PCDHGB4: variants seen among roughly 807,000 people sequenced by gnomAD.
PCDHGB4 encodes the protein protocadherin gamma subfamily B, 4, also known as protocadherin gamma-B4.
In PCDHGB4, 38 loss-of-function variants were observed where a neutral mutation model predicts 60.5. The ratio of observed to expected loss-of-function variants is 0.63; its 90% CI spans 0.48 to 0.82. The LOEUF (loss-of-function observed/expected upper bound fraction) is 0.82, where lower values mean the gene tolerates loss of function less well. Ranked by LOEUF, PCDHGB4 falls within the 40% of genes least tolerant of loss-of-function variation. PCDHGB4 has a pLI of 0.00. For synonymous variants in PCDHGB4, 456 were observed against 509.7 expected (o/e 0.89, Z 1.42); for missense variants, 1,109 against 1,209.6 (o/e 0.92, Z 1.23).
At chr5:141,427,492 T>C (rs894605769) in intron 1 of PCDHGB4, 1 of 555,624 alleles carries the variant, frequency 1.8e-6, no homozygotes, top group Non-Finnish European at 3.4e-6. Context: ...TATAAGCTTG[T>C]AACAGATGGG....
chr5:141,498,827 G>C (rs2099786072), intron 2 of PCDHGB4, among the ~76,000 whole-genome samples: 1 of 152,102 alleles, frequency 6.6e-6, no homozygotes, highest in Non-Finnish European at 1.5e-5. Context: ...CAGCTACTCA[G>C]GAGGCTGAGG....
chr5:141,403,849 G>A, intron 1 of PCDHGB4: 1 of 1,613,560 alleles, frequency 6.2e-7, no homozygotes, highest in East Asian at 2.2e-5. Flanking sequence ...AAAATACTGG[G>A]GAAATATCAA....
intron 1 of PCDHGB4, chr5:141,400,296 C>T (rs2093998279): frequency 6.2e-7 from 1 of 1,614,076 alleles, no homozygotes. Context: ...GGAGCTGCTT[C>T]CAACCTGGTC....
At chr5:141,415,589 T>A in intron 1 of PCDHGB4, 1 of 1,614,062 alleles carries the variant, frequency 6.2e-7, no homozygotes, top group East Asian at 2.2e-5. Flanking sequence ...AAGTTTCCTA[T>A]AGAGGATACC....
chr5:141,447,954 C>T (rs927510517), intron 1 of PCDHGB4, among the ~76,000 whole-genome samples: 11 of 151,814 alleles, frequency 7.2e-5, no homozygotes, highest in Non-Finnish European at 1.2e-4. Flanking sequence ...GGCATGGTGG[C>T]GGACACCTAT....
At chr5:141,414,106 C>G (rs1424739885) in intron 1 of PCDHGB4, 2 of 1,592,536 alleles carry the variant, frequency 1.3e-6, no homozygotes, top group Non-Finnish European at 1.7e-6. Context: ...ATCAGAAAAT[C>G]TAGATTATGA....
Position 141,490,282 on chromosome 5 carries a change from C to T in PCDHGB4, c.2398-4525C>T, listed in dbSNP as rs763429413. 1.2e-6 allele frequency: 2 copies of T among 1,614,194 alleles called. No individual in the cohort carries two copies. The highest frequency in any genetic ancestry group is 1.7e-6 in the Non-Finnish European group (2 of 1,180,036). ...TGTGGGGGATGTCAATGACAATGCC[C>T]CAGAGGTGCTATTGGCCTCTTTGGC... On this transcript the variant is annotated intron_variant, in intron 1 of 3. Transcript: ENST00000519479. This position sits in a 1 kb window ranked among gnomAD's most constrained non-coding sequence, Gnocchi z 5.4.
At chr5:141,500,223 T>TTG (rs1227708024) in intron 2 of PCDHGB4, among the ~76,000 whole-genome samples, 1 of 145,320 alleles carries the variant, frequency 6.9e-6, no homozygotes, top group Non-Finnish European at 1.5e-5. Flanking sequence ...TTTATTTATT[T>TTG]ATTGATACGT....
intron 1 of PCDHGB4, chr5:141,441,502 T>G (rs2098250414): frequency 5.8e-6 from 1 of 173,754 alleles, no homozygotes; most frequent in African/African-American, 2.4e-5. Context: ...CTACCAGGCC[T>G]CCTACGTCGT....
At chr5:141,462,122 C>A (rs1437400069) in intron 1 of PCDHGB4, among the ~76,000 whole-genome samples, 3 of 152,044 alleles carry the variant, frequency 2.0e-5, no homozygotes, top group Admixed American at 6.6e-5. Context: ...TGCACCCAGT[C>A]CAATTTTTTG....
chr5:141,395,036 G>C, intron 1 of PCDHGB4: 2 of 1,614,110 alleles, frequency 1.2e-6, no homozygotes, highest in South Asian at 1.1e-5. Context: ...CACATTTTGT[G>C]GGTGTTGAGG....
intron 1 of PCDHGB4, chr5:141,428,156 C>A: frequency 6.3e-7 from 1 of 1,579,884 alleles, no homozygotes; most frequent in Non-Finnish European, 8.6e-7. Context: ...CGGGAACCTG[C>A]TGGTTGCTGT....
chr5:141,431,068 A>G lies in PCDHGB4; in HGVS notation c.2397+40787A>G. 2 of 1,614,218 alleles carry G rather than the reference A, an allele frequency of 1.2e-6. No individual in the cohort carries two copies. Among genetic ancestry groups the G allele is most frequent in the South Asian group, 1.1e-5 (1 of 91,088 alleles). On this transcript the variant is annotated intron_variant, in intron 1 of 3. Coordinates refer to ENST00000519479, the MANE Select transcript of PCDHGB4 (RefSeq NM_003736.4). The surrounding 1 kb of genome is among the most constrained non-coding windows in gnomAD (Gnocchi z 4.8). ...TCTGTATGGGGGCCATCAAGTGTCA[A>G]TTAAATCTAGACATTCTGATGGAGG...
rs769467027 is a variant in PCDHGB4, at chr5:141,477,255, A to G, written c.2398-17552A>G. On this transcript the variant is annotated intron_variant, in intron 1 of 3. Transcript: ENST00000519479. This position sits in a 1 kb window ranked among gnomAD's most constrained non-coding sequence, Gnocchi z 4.9. ...GCTTTGCTCAGTGTGACTGACCTGGATGCTGGCGAGAACGGGCTGGTGACC... is the reference window on the plus strand; with the variant it reads ...GCTTTGCTCAGTGTGACTGACCTGGGTGCTGGCGAGAACGGGCTGGTGACC... 1 of 1,614,146 alleles carries G rather than the reference A, an allele frequency of 6.2e-7. No individual in the cohort carries two copies. Among genetic ancestry groups the G allele is most frequent in the East Asian group, 2.2e-5 (1 of 44,874 alleles).
rs368075478 is a variant in PCDHGB4, at chr5:141,403,866, A to G, written c.2397+13585A>G. The G allele has an allele frequency of 1.3e-4, 207 of 1,613,762 alleles. No individual in the cohort carries two copies. Among genetic ancestry groups the G allele is most frequent in the Non-Finnish European group, 1.6e-4 (186 of 1,179,844 alleles). On this transcript the variant is annotated intron_variant, in intron 1 of 3. Transcript: ENST00000519479. ...AATACTGGGGAAATATCAACAGCAA[A>G]AAGTCTAGATTATGAAGAATGTTCA...
In PCDHGB4 at chr5:141,389,267, G is replaced by A; in HGVS notation, c.1383G>A (p.Glu461=). The change falls in exon 1 of 4, where the codon GAG becomes GAA. Residue 461 remains glutamate (E), a synonymous_variant. Transcript: ENST00000519479. ...CTTCCTATATAGTCCACGTGGCCGA[G>A]AACAACCCGCCTGGAGCCTCTATTT... The part of the protein sequence containing the change: ...SQSSYIVHVA[E]NNPPGASISQ... 1 of 1,614,008 alleles carries A rather than the reference G, an allele frequency of 6.2e-7. No individual in the cohort carries two copies. Among genetic ancestry groups the A allele is most frequent in the African/African-American group, 1.3e-5 (1 of 75,068 alleles).
rs1486545769 is a variant in PCDHGB4 at position 141,431,780 on chromosome 5, A to T, written c.2397+41499A>T. On this transcript the variant is annotated intron_variant, in intron 1 of 3. Coordinates refer to ENST00000519479, the MANE Select transcript of PCDHGB4 (RefSeq NM_003736.4). This position sits in a 1 kb window ranked among gnomAD's most constrained non-coding sequence, Gnocchi z 4.8. The stretch of plus-strand genomic sequence containing the variant: ...AGTCCTGATCACTGTTCTGGACGTG[A>T]ACGACAATGCCCCAGAAGTGGTCCT... 4 of 1,614,086 alleles carry T rather than the reference A, an allele frequency of 2.5e-6. No homozygotes were observed. The highest frequency in any genetic ancestry group is 3.4e-6 in the Non-Finnish European group (4 of 1,180,028).
chr5:141,446,821 T>G (rs183143971), intron 1 of PCDHGB4, among the ~76,000 whole-genome samples: 2 of 152,184 alleles, frequency 1.3e-5, no homozygotes, highest in South Asian at 4.1e-4. Context: ...GTCAGATGGG[T>G]AGATCCTTAT....
intron 1 of PCDHGB4, among the ~76,000 whole-genome samples, chr5:141,457,873 G>C (rs967389295): frequency 2.0e-5 from 3 of 152,200 alleles, no homozygotes; most frequent in Non-Finnish European, 4.4e-5. Context: ...CCACAGGTTA[G>C]GAACCCTGTG....
Sources: allele counts gnomAD v4.1 joint callset (sites outside exome capture counted in the v4.1 genomes callset), GRCh38; gene constraint gnomAD v4.1.1; non-coding constraint Gnocchi (gnomAD v3.1); transcripts MANE v1.5; gene names NCBI Gene and HGNC (gene_info 2026-07-23, HGNC 2026-07-21).